The following AKAP13 variants were observed in gnomAD, a reference collection of about 807,000 sequenced individuals.
AKAP13 encodes the protein A-kinase anchor protein 13.
In AKAP13, 80 loss-of-function variants were observed where a neutral mutation model predicts 264.5. The ratio of observed to expected loss-of-function variants is 0.30; its 90% CI spans 0.25 to 0.36. The LOEUF is 0.36. Ranked by LOEUF, AKAP13 falls within the 10% of genes least tolerant of loss-of-function variation. The pLI is 1.00. For missense variants in AKAP13, 3,712 were observed against 3,435.2 expected (o/e 1.08, Z -2.01); for synonymous variants, 1,380 against 1,250.2 (o/e 1.10, Z -2.19).
chr15:85,721,254 A>T (rs1302821104), intron 23 of AKAP13, among the ~76,000 whole-genome samples: 1 of 152,218 alleles, frequency 6.6e-6, no homozygotes, highest in Non-Finnish European at 1.5e-5. Context: ...GCTTTGTCAT[A>T]TGAGCAGATA....
At chr15:85,477,709 TC>T in intron 1 of AKAP13, among the ~76,000 whole-genome samples, 1 of 151,990 alleles carries the variant, frequency 6.6e-6, no homozygotes, top group Non-Finnish European at 1.5e-5. Flanking sequence ...ATTTCTTTTT[TC>T]CCCATTTAGC....
intron 4 of AKAP13, 122 bp downstream of exon 4, chr15:85,534,002 A>C (rs2077314911): frequency 1.9e-5 from 21 of 1,104,154 alleles, no homozygotes; most frequent in Non-Finnish European, 2.4e-5. Context: ...CGTAAATCTT[A>C]GAATTACTGT....
rs1006001063 is a variant in AKAP13, at chr15:85,646,254, C to T, written c.4374+300C>T. On this transcript the variant is annotated intron_variant, in intron 10 of 36. Coordinates refer to ENST00000394518, the MANE Select transcript of AKAP13 (RefSeq NM_007200.5). Reference sequence around the variant, plus strand: ...CTTTGGGAGGCTGAGGTGGGCGGACCCCTTGAGGTCAGGAGTTCGAGACCA... The same window carrying T: ...CTTTGGGAGGCTGAGGTGGGCGGACTCCTTGAGGTCAGGAGTTCGAGACCA... 3.3e-5 allele frequency among the ~76,000 whole-genome samples: 5 copies of T among 152,034 alleles called. No individual in the cohort carries two copies. The South Asian group carries it at 1.0e-3, about 32-fold the overall frequency.
Position 85,407,164 on chromosome 15 carries a change from C to G in AKAP13, c.-12+26366C>G, listed in dbSNP as rs183414056. ...TTGTGTAACAATGTTAGAGTACCAA[C>G]TTTGTGGTATACAGGCTTCTAAGGA... On this transcript the variant is annotated intron_variant, in intron 1 of 36. Transcript: ENST00000394518. Among the ~76,000 whole-genome samples, 30 of 151,038 alleles carry G rather than the reference C, an allele frequency of 2.0e-4. 1 individual carries two copies. Among genetic ancestry groups the G allele is most frequent in the African/African-American group, 7.1e-4 (29 of 40,790 alleles).
chr15:85,591,471 T>G (rs74504857), intron 8 of AKAP13, among the ~76,000 whole-genome samples: 183 of 152,254 alleles, frequency 1.2e-3, no homozygotes, highest in African/African-American at 4.2e-3. Context: ...TATAATCTGT[T>G]TAGCTGCAAC....
chr15:85,700,529 G>A (rs1007067520), intron 17 of AKAP13, among the ~76,000 whole-genome samples: 1 of 152,184 alleles, frequency 6.6e-6, no homozygotes, highest in South Asian at 2.1e-4. Flanking sequence ...ATTGACTGGG[G>A]AAAACTGTAG....
intron 10 of AKAP13, among the ~76,000 whole-genome samples, chr15:85,652,775 T>C (rs1468734153): frequency 3.3e-5 from 5 of 152,116 alleles, no homozygotes; most frequent in Non-Finnish European, 7.4e-5. Flanking sequence ...GTCCTTGGTG[T>C]TCCTTGGGTT....
chr15:85,710,937 G>A (rs2086601774), intron 19 of AKAP13, among the ~76,000 whole-genome samples: 1 of 152,210 alleles, frequency 6.6e-6, no homozygotes, highest in South Asian at 2.1e-4. Flanking sequence ...CTCTTTAATA[G>A]TAGTTGAGAA....
intron 16 of AKAP13, among the ~76,000 whole-genome samples, chr15:85,691,545 C>T (rs932297577): frequency 3.3e-5 from 5 of 152,204 alleles, no homozygotes; most frequent in African/African-American, 7.2e-5. Flanking sequence ...GGCTTGATGT[C>T]ATATGAGTCC....
intron 2 of AKAP13, among the ~76,000 whole-genome samples, chr15:85,489,677 C>T (rs2075670276): frequency 6.6e-6 from 1 of 152,110 alleles, no homozygotes; most frequent in Non-Finnish European, 1.5e-5. Flanking sequence ...AAACACTGTA[C>T]CCGGAGAAGA....
intron 8 of AKAP13, among the ~76,000 whole-genome samples, chr15:85,600,840 G>A (rs917427303): frequency 1.3e-5 from 2 of 152,184 alleles, no homozygotes; most frequent in African/African-American, 2.4e-5. Context: ...TTAGCATTGT[G>A]TCTGTGGCTC....
chr15:85,749,271 T>TTATC lies in AKAP13; in HGVS notation c.*4596_*4599dup, dbSNP rs1228886404. On this transcript the variant is annotated 3_prime_UTR_variant, in exon 37 of 37. Coordinates refer to ENST00000394518, the MANE Select transcript of AKAP13 (RefSeq NM_007200.5). ...ACAACATACTGGCTTCGTATTTTAT[T>TTATC]TATCTTTCTTTCTAGTTACCAGCTT... is the stretch of plus-strand genomic sequence containing the variant. 6.6e-5 allele frequency: 10 copies of TTATC among 152,370 alleles called. No homozygotes were observed. The East Asian group carries it at 1.7e-3, about 26-fold the overall frequency. The allele number at this position is 152,370 out of a possible 1,614,324, so 9.4% of individuals were successfully genotyped here. A position where few individuals can be genotyped will look rare whatever the true frequency, so the allele number is the denominator to read the frequency against.
intron 1 of AKAP13, among the ~76,000 whole-genome samples, chr15:85,394,619 C>G (rs1030893603): frequency 6.6e-6 from 1 of 152,210 alleles, no homozygotes; most frequent in Non-Finnish European, 1.5e-5. Context: ...CTGATTCCAT[C>G]TCCTCTCCTC....
chr15:85,402,078 C>A lies in AKAP13; in HGVS notation c.-12+21280C>A, dbSNP rs563195046. On this transcript the variant is annotated intron_variant, in intron 1 of 36. Coordinates refer to ENST00000394518, the MANE Select transcript of AKAP13 (RefSeq NM_007200.5). ...TTAGCCCACTCCACCTCAATTCTCC[C>A]ATCAAAAATGAAACGGTTAAACTGT... 7.9e-5 allele frequency among the ~76,000 whole-genome samples: 12 copies of A among 152,294 alleles called. No individual in the cohort carries two copies. In the South Asian group the frequency reaches 2.5e-3, roughly 32 times the overall value.
chr15:85,483,867 G>T (rs917856869), intron 1 of AKAP13, among the ~76,000 whole-genome samples: 2 of 152,084 alleles, frequency 1.3e-5, no homozygotes, highest in African/African-American at 4.8e-5. Flanking sequence ...TTTTTTTAAA[G>T]CTTATCAGCT....
intron 5 of AKAP13, chr15:85,544,285 A>G: frequency 2.5e-6 from 1 of 397,142 alleles, no homozygotes; most frequent in South Asian, 2.1e-5. Context: ...TATACAGTTT[A>G]TCCTGGTTTA....
chr15:85,664,524 C>G, intron 12 of AKAP13, 39 bp from the exon 13 acceptor site: 1 of 1,553,982 alleles, frequency 6.4e-7, no homozygotes, highest in Non-Finnish European at 8.7e-7. Flanking sequence ...TTTTGAGACC[C>G]AGAAATAGAA....
chr15:85,708,223 A>T lies in AKAP13; in HGVS notation c.5532+137A>T. ...GGTACCAACTTTGAGAACAAATTAT[A>T]ACTAAAAAATATTTTTTCTCTTAAG... is the stretch of plus-strand genomic sequence containing the variant. On this transcript the variant is annotated intron_variant, in intron 18 of 36. Coordinates refer to ENST00000394518, the MANE Select transcript of AKAP13 (RefSeq NM_007200.5). The surrounding 1 kb of genome is among the most constrained non-coding windows in gnomAD (Gnocchi z 4.3). 1.4e-6 allele frequency: 1 copy of T among 721,600 alleles called. No individual in the cohort carries two copies. Among genetic ancestry groups the T allele is most frequent in the Non-Finnish European group, 2.2e-6 (1 of 456,368 alleles). The allele number at this position is 721,600 out of a possible 1,614,324, so 44.7% of individuals were successfully genotyped here.
chr15:85,403,739 G>T (rs1246407291), intron 1 of AKAP13, among the ~76,000 whole-genome samples: 1 of 151,730 alleles, frequency 6.6e-6, no homozygotes, highest in East Asian at 1.9e-4. Context: ...TACTTGGAAG[G>T]CTGAGGCAGG....
Sources: gnomAD v4.1 joint callset for allele counts (sites outside exome capture counted in the v4.1 genomes callset) on GRCh38, gnomAD v4.1.1 for gene constraint, Gnocchi (gnomAD v3.1) non-coding constraint, MANE v1.5 for transcripts, NCBI Gene and HGNC (gene_info 2026-07-23, HGNC 2026-07-21) for gene names.